The following RUFY4 variants were observed in gnomAD, a reference collection of about 807,000 sequenced individuals.
The protein encoded by RUFY4 is RUN and FYVE domain-containing protein 4.
Under a neutral mutation model 69.0 loss-of-function variants are expected in RUFY4, and 73 were observed. That is an observed-to-expected ratio of 1.06 (90% CI 0.88 to 1.29). The LOEUF (loss-of-function observed/expected upper bound fraction) is 1.29. Among genes scored for constraint, RUFY4 ranks in the 50% most tolerant of loss-of-function variants. RUFY4 has a pLI of 0.00. For synonymous variants in RUFY4, 287 were observed against 271.8 expected (o/e 1.06, Z -0.55); for missense variants, 770 against 705.6 (o/e 1.09, Z -1.03).
intron 2 of RUFY4, among the ~76,000 whole-genome samples, chr2:218,044,498 G>T (rs1474284707): frequency 6.6e-6 from 1 of 152,062 alleles, no homozygotes; most frequent in Admixed American, 6.6e-5. Flanking sequence ...GTAAACTTGT[G>T]TCATGGGGGT....
intron 1 of RUFY4, 48 bp downstream of exon 3, chr2:218,070,699 C>T: frequency 1.3e-6 from 2 of 1,535,454 alleles, no homozygotes; most frequent in East Asian, 2.4e-5. Flanking sequence ...TGGGAGAAGT[C>T]AGGGTCTGGG....
At chr2:218,074,580 C>T (rs2106054532) in intron 6 of RUFY4, among the ~76,000 whole-genome samples, 1 of 152,198 alleles carries the variant, frequency 6.6e-6, no homozygotes, top group South Asian at 2.1e-4. Flanking sequence ...AAAAGCATTG[C>T]AATATACAAT....
chr2:218,048,389 T>C (rs1255341193), intron 2 of RUFY4, among the ~76,000 whole-genome samples: 1 of 152,218 alleles, frequency 6.6e-6, no homozygotes, highest in African/African-American at 2.4e-5. Flanking sequence ...GCAGGTTGTC[T>C]GTTCACCCTG....
intron 2 of RUFY4, among the ~76,000 whole-genome samples, chr2:218,048,414 T>C (rs867306364): frequency 6.6e-6 from 1 of 152,222 alleles, no homozygotes; most frequent in Non-Finnish European, 1.5e-5. Flanking sequence ...TAGTTTCATT[T>C]GCTGTGCAGA....
intron 2 of RUFY4, among the ~76,000 whole-genome samples, chr2:218,047,247 G>A (rs1688849458): frequency 6.6e-6 from 1 of 152,072 alleles, no homozygotes; most frequent in African/African-American, 2.4e-5. Flanking sequence ...CCAAGAAAAT[G>A]TGTCCTTTTA....
chr2:218,066,915 A>G (rs1403117618), upstream of RUFY4, among the ~76,000 whole-genome samples: 1 of 152,190 alleles, frequency 6.6e-6, no homozygotes, highest in East Asian at 1.9e-4. Flanking sequence ...CTGTTGCTTT[A>G]ATGGTAATTT....
chr2:218,068,309 C>T (rs1207127747), upstream of RUFY4, among the ~76,000 whole-genome samples: 2 of 151,910 alleles, frequency 1.3e-5, no homozygotes, highest in African/African-American at 4.8e-5. Context: ...GGATCCTGGA[C>T]AGGGCCTCAG....
At chr2:218,060,291 G>C in intron 3 of RUFY4, 1 of 1,471,046 alleles carries the variant, frequency 6.8e-7, no homozygotes, top group Non-Finnish European at 9.1e-7. Flanking sequence ...GAATGTGACT[G>C]TGAAGAGAAG....
chr2:218,055,736 A>G (rs1379072442), intron 2 of RUFY4, among the ~76,000 whole-genome samples: 1 of 152,232 alleles, frequency 6.6e-6, no homozygotes, highest in African/African-American at 2.4e-5. Flanking sequence ...AGCAAGACTC[A>G]TGCCTGATGT....
At chr2:218,076,562 A>C (rs1689638650) in intron 8 of RUFY4, 29 bp downstream of exon 10, 1 of 1,546,604 alleles carries the variant, frequency 6.5e-7, no homozygotes, top group Non-Finnish European at 8.7e-7. Context: ...AGCACAGGGC[A>C]CCTGGAAGTG....
chr2:218,052,284 A>G (rs947605197), intron 2 of RUFY4, among the ~76,000 whole-genome samples: 32 of 152,172 alleles, frequency 2.1e-4, no homozygotes, highest in African/African-American at 7.7e-4. Context: ...CCTCCAGTGT[A>G]AGTCGACTCT....
At chr2:218,075,452 G>A in exon 7 of RUFY4, 1 of 1,609,658 alleles carries the variant, frequency 6.2e-7, no homozygotes, top group Non-Finnish European at 8.5e-7. Flanking sequence ...CAGGGGTTCT[G>A]CTGGTTGCAG....
intron 9 of RUFY4, among the ~76,000 whole-genome samples, chr2:218,087,486 C>T (rs1242078476): frequency 6.6e-6 from 1 of 152,070 alleles, no homozygotes; most frequent in Non-Finnish European, 1.5e-5. Context: ...AAGGATACTA[C>T]CTATAGTTAG....
At chr2:218,064,608 G>C (rs1267147664), upstream of RUFY4, among the ~76,000 whole-genome samples, 1 of 152,120 alleles carries the variant, frequency 6.6e-6, no homozygotes, top group African/African-American at 2.4e-5. Context: ...GGCAGGGGAA[G>C]GTGCAACTTG....
chr2:218,037,773 A>G (rs1959001159), intron 2 of RUFY4, among the ~76,000 whole-genome samples: 1 of 152,236 alleles, frequency 6.6e-6, no homozygotes, highest in Non-Finnish European at 1.5e-5. Context: ...ACCGATTCCT[A>G]TAGAACAGAA....
chr2:218,089,544 G>A (rs1279913609), intron 10 of RUFY4, 182 bp downstream of exon 12: 4 of 642,986 alleles, frequency 6.2e-6, no homozygotes, highest in Non-Finnish European at 1.1e-5. Context: ...TAAAGGAGAA[G>A]AGCAGAAGGA....
chr2:218,073,208 T>A lies in RUFY4; in HGVS notation c.387-35T>A, dbSNP rs181102269. ...GGGGCAGGGGGAAACAGCACCAGGG[T>A]CAAAGGCCAAGGGTTCTGATCACTG... On this transcript the variant is annotated intron_variant, in intron 4 of 10. Coordinates refer to ENST00000344321, the Ensembl canonical transcript of RUFY4. The A allele has an allele frequency of 6.4e-5, 98 of 1,541,356 alleles. No homozygotes were observed. In the African/African-American group the frequency reaches 1.2e-3, roughly 18 times the overall value.
chr2:218,064,187 G>A (rs766636204), intron 3 of RUFY4, among the ~76,000 whole-genome samples: 2 of 152,194 alleles, frequency 1.3e-5, no homozygotes, highest in African/African-American at 2.4e-5. Context: ...AGAAGTATGG[G>A]ATGAGGGATG....
chr2:218,035,585 C>G (rs1047765670), intron 2 of RUFY4, among the ~76,000 whole-genome samples: 7 of 152,284 alleles, frequency 4.6e-5, no homozygotes, highest in East Asian at 1.9e-4. Context: ...ACCCCAAACT[C>G]CAGCAGCCAC....
Sources: gnomAD v4.1 joint callset for allele counts (sites outside exome capture counted in the v4.1 genomes callset) on GRCh38, gnomAD v4.1.1 for gene constraint, MANE v1.5 for transcripts, NCBI Gene and HGNC (gene_info 2026-07-23, HGNC 2026-07-21) for gene names.